Variants in FOXL2 observed in about 807,000 individuals in gnomAD.
FOXL2 encodes the protein forkhead box protein L2.
Under a neutral mutation model 2.5 loss-of-function variants are expected in FOXL2, and 3 were observed. The ratio of observed to expected loss-of-function variants is 1.20; its 90% CI spans 0.55 to 3.11. The LOEUF (loss-of-function observed/expected upper bound fraction) is 3.11, where lower values mean the gene tolerates loss of function less well. Among genes scored for constraint, FOXL2 ranks in the 30% most tolerant of loss-of-function variants. The pLI, the probability that FOXL2 is intolerant of heterozygous loss-of-function variation, is 0.03. For synonymous variants in FOXL2, 315 were observed against 269.4 expected, an observed-to-expected ratio of 1.17 and a Z score of -1.66; for missense variants, 512 against 570.0, an observed-to-expected ratio of 0.90 and a Z score of 1.04.
chr3:138,945,747 T>G lies in FOXL2; in HGVS notation c.976A>C (p.Ser326Arg). Residue 326 changes from serine to arginine, a missense_variant, in exon 1 of 1, where the codon AGC becomes CGC. By Grantham distance (110) the Ser-to-Arg change is moderately radical (BLOSUM62 -1). This residue lies in a region of FOXL2 where 287 missense variants were observed against 277.4 expected (regional missense o/e 1.03). Transcript: ENST00000648323. The stretch of plus-strand genomic sequence containing the variant: ...GCCGGGGGCGCGGCGGTGGCTGGGC[T>G]GGCAGGGCTGAGCTGGCCCGGCGGC... The part of the protein sequence containing the change: ...APPPGQLSPA[S>R]PATAAPPAPA... The G allele has an allele frequency of 3.7e-6, 5 of 1,333,436 alleles. No homozygotes were observed. Among genetic ancestry groups the G allele is most frequent in the Non-Finnish European group, 4.9e-6 (5 of 1,024,404 alleles). 82.6% of individuals were successfully genotyped at this position (1,333,436 alleles called of 1,614,324 possible).
chr3:138,946,037 G>A lies in FOXL2; in HGVS notation c.686C>T (p.Ala229Val). The change falls in exon 1 of 1, where the codon GCT becomes GTT. Residue 229 changes from alanine to valine, a missense_variant. Coordinates refer to ENST00000648323, the MANE Select transcript of FOXL2 (RefSeq NM_023067.4). Reference sequence around the variant, plus strand: ...ACCGGGGCCCGCGGCTGCAGCCGCAGCTGCTGCAGCCGCTGCGGCTGCCGC... The same window carrying A: ...ACCGGGGCCCGCGGCTGCAGCCGCAACTGCTGCAGCCGCTGCGGCTGCCGC... The part of the protein sequence containing the change: ...QMAAAAAAAA[A>V]AAAAAGPGSP... The A allele has an allele frequency of 1.4e-6, 2 of 1,394,350 alleles. No individual in the cohort carries two copies. Among genetic ancestry groups the A allele is most frequent in the South Asian group, 1.6e-5 (1 of 63,326 alleles). The allele number at this position is 1,394,350 out of a possible 1,614,324, so 86.4% of individuals were successfully genotyped here. A position where few individuals can be genotyped will look rare whatever the true frequency, so the allele number is the denominator to read the frequency against.
At position 138,945,644 on chromosome 3, in the gene FOXL2, T is replaced by C; in HGVS notation, c.1079A>G (p.Tyr360Cys). The change falls in exon 1 of 1, where the codon TAC (tyrosine) becomes TGC (cysteine). Residue 360 changes from tyrosine (Y) to cysteine (C), a missense_variant. Transcript: ENST00000648323. ...QPELAMMHCS[Y>C]WDHDSKTGAL... ...GCCGGTCTTGCTGTCGTGGTCCCAG[T>C]AAGAGCAATGCATCATGGCGAGCTC... 1 of 1,609,646 alleles carries C rather than the reference T, an allele frequency of 6.2e-7. No individual in the cohort carries two copies. The highest frequency in any genetic ancestry group is 8.5e-7 in the Non-Finnish European group (1 of 1,177,964).
chr3:138,944,388 C>T lies in FOXL2; in HGVS notation c.*1204G>A, dbSNP rs185469812. On this transcript the variant is annotated 3_prime_UTR_variant, in exon 1 of 1. Coordinates refer to ENST00000648323, the MANE Select transcript of FOXL2 (RefSeq NM_023067.4). The stretch of plus-strand genomic sequence containing the variant: ...TATGGTTTTCGGGCCGGGCCGGCTC[C>T]GGGCCACAAGACCGCCTAGGTCGGC... 24 of 233,084 alleles carry T rather than the reference C, an allele frequency of 1.0e-4. No individual in the cohort carries two copies. Among genetic ancestry groups the T allele is most frequent in the African/African-American group, 5.3e-4 (24 of 45,432 alleles). The allele number at this position is 233,084 out of a possible 1,614,324, so 14.4% of individuals were successfully genotyped here.
rs1935975958 is a variant in FOXL2 at position 138,946,498 on chromosome 3, G to A, written c.225C>T (p.Leu75=). ...TGTACTGGTAGATGCCGGACAGCGT[G>A]AGCCTCTTCTCCGCGCTCTCGCGGA... The part of the protein sequence containing the change: ...MAIRESAEKR[L]TLSGIYQYII... Residue 75 remains leucine (L), a synonymous_variant, in exon 1 of 1, where the codon CTC becomes CTT. Coordinates refer to ENST00000648323, the MANE Select transcript of FOXL2 (RefSeq NM_023067.4). The A allele has an allele frequency of 6.2e-7, 1 of 1,614,034 alleles. No individual in the cohort carries two copies. Among genetic ancestry groups the A allele is most frequent in the Non-Finnish European group, 8.5e-7 (1 of 1,180,006 alleles).
In FOXL2 at chr3:138,945,729, G is replaced by C. The variant is rs777781753; in HGVS notation, c.994C>G (p.Pro332Ala). The change falls in exon 1 of 1, where the codon CCC (proline) becomes GCC (alanine). Residue 332 changes from proline (P) to alanine (A), a missense_variant. Physicochemically the swap from Pro to Ala is conservative, Grantham distance 27. This residue lies in a region of FOXL2 where 4 missense variants were observed against 17.6 expected (regional missense o/e 0.23). Coordinates refer to ENST00000648323, the MANE Select transcript of FOXL2 (RefSeq NM_023067.4). The part of the protein sequence containing the change: ...LSPASPATAA[P>A]PAPAPTSAPG... ...GCACTGGTGGGCGCGGGCGCCGGGGGCGCGGCGGTGGCTGGGCTGGCAGGG... is the reference window on the plus strand; with the variant it reads ...GCACTGGTGGGCGCGGGCGCCGGGGCCGCGGCGGTGGCTGGGCTGGCAGGG... 187 of 1,430,416 alleles carry C rather than the reference G, an allele frequency of 1.3e-4. No homozygotes were observed. The highest frequency in any genetic ancestry group is 2.1e-4 in the Middle Eastern group (1 of 4,734). 88.6% of individuals were successfully genotyped at this position (1,430,416 alleles called of 1,614,324 possible).
chr3:138,944,747 A>G lies in FOXL2; in HGVS notation c.*845T>C, dbSNP rs1027873278. On this transcript the variant is annotated 3_prime_UTR_variant, in exon 1 of 1. Coordinates refer to ENST00000648323, the MANE Select transcript of FOXL2 (RefSeq NM_023067.4). ...AGGAATACTAAAGCTTTTGATTTTC[A>G]TATTTGGATTTAGCAAACTCCAAGG... 1 of 233,076 alleles carries G rather than the reference A, an allele frequency of 4.3e-6. No homozygotes were observed. The highest frequency in any genetic ancestry group is 1.8e-4 in the South Asian group (1 of 5,534). The allele number at this position is 233,076 out of a possible 1,614,324, so 14.4% of individuals were successfully genotyped here. A position where few individuals can be genotyped will look rare whatever the true frequency, so the allele number is the denominator to read the frequency against.
At position 138,946,792 on chromosome 3, in the gene FOXL2, G is replaced by A. The variant is rs1935989563; in HGVS notation, c.-70C>T. ...CCAGGCGCTGGCGCGGCAAAGAGTT[G>A]GGGCGCACGAGTCCGCTTACGGCCA... On this transcript the variant is annotated 5_prime_UTR_variant, in exon 1 of 1. Transcript: ENST00000648323. 1 of 1,527,486 alleles carries A rather than the reference G, an allele frequency of 6.5e-7. No homozygotes were observed. The highest frequency in any genetic ancestry group is 8.8e-7 in the Non-Finnish European group (1 of 1,138,792). The allele number at this position is 1,527,486 out of a possible 1,614,324, so 94.6% of individuals were successfully genotyped here. A position where few individuals can be genotyped will look rare whatever the true frequency, so the allele number is the denominator to read the frequency against.
At position 138,945,822 on chromosome 3, in the gene FOXL2, C is replaced by T; in HGVS notation, c.901G>A (p.Ala301Thr). 8.3e-7 allele frequency: 1 copy of T among 1,203,320 alleles called. No homozygotes were observed. The highest frequency in any genetic ancestry group is 1.0e-6 in the Non-Finnish European group (1 of 969,130). 74.5% of individuals were successfully genotyped at this position (1,203,320 alleles called of 1,614,324 possible). Residue 301 changes from alanine (A) to threonine (T), a missense_variant, in exon 1 of 1, where the codon GCG becomes ACG. By Grantham distance (58) the Ala-to-Thr change is moderately conservative. Transcript: ENST00000648323. ...HPHPHAHHLH[A>T]AAAPPPAPPH... ...GGGGCAGGCGGCGGTGCGGCGGCCGCGTGCAGATGGTGTGCGTGCGGATGC... is the reference window on the plus strand; with the variant it reads ...GGGGCAGGCGGCGGTGCGGCGGCCGTGTGCAGATGGTGTGCGTGCGGATGC...
Position 138,945,880 on chromosome 3 carries a change from C to G in FOXL2, c.843G>C (p.Pro281=), listed in dbSNP as rs2107743435. ...VNSYNGLGGP[P]AAPPPPPHPH... ...GGTGCGGCGGAGGCGGGGGTGCGGC[C>G]GGCGGGCCTCCCAGGCCATTGTACG... is the stretch of plus-strand genomic sequence containing the variant. The change falls in exon 1 of 1, where the codon CCG becomes CCC. Residue 281 remains proline, a synonymous_variant. Coordinates refer to ENST00000648323, the MANE Select transcript of FOXL2 (RefSeq NM_023067.4). The G allele has an allele frequency of 8.0e-7, 1 of 1,250,654 alleles. No homozygotes were observed. The highest frequency in any genetic ancestry group is 1.0e-6 in the Non-Finnish European group (1 of 1,001,552). The allele number at this position is 1,250,654 out of a possible 1,614,324, so 77.5% of individuals were successfully genotyped here.
Position 138,946,197 on chromosome 3 carries a change from A to T in FOXL2, c.526T>A (p.Cys176Ser). 1 of 1,495,742 alleles carries T rather than the reference A, an allele frequency of 6.7e-7. No homozygotes were observed. The highest frequency in any genetic ancestry group is 8.9e-7 in the Non-Finnish European group (1 of 1,129,080). The allele number at this position is 1,495,742 out of a possible 1,614,324, so 92.7% of individuals were successfully genotyped here. A position where few individuals can be genotyped will look rare whatever the true frequency, so the allele number is the denominator to read the frequency against. Residue 176 changes from cysteine (C) to serine (S), a missense_variant, in exon 1 of 1, where the codon TGC (cysteine) becomes AGC (serine). By Grantham distance (112) the Cys-to-Ser change is moderately radical (BLOSUM62 -1). Around this residue, in one of 5 missense-constraint regions of FOXL2, gnomAD observed 287 missense variants for 277.4 expected, o/e 1.03. Coordinates refer to ENST00000648323, the MANE Select transcript of FOXL2 (RefSeq NM_023067.4). Reference sequence around the variant, plus strand: ...TCGGCCCCGGCGCCCGCCACGCCGCACCCGCCTGCGGCGCCTCCGGCCCCG... The same window carrying T: ...TCGGCCCCGGCGCCCGCCACGCCGCTCCCGCCTGCGGCGCCTCCGGCCCCG... ...LFGAGGAAGGCGVAGAGADGY... is the reference protein window; with the variant it reads ...LFGAGGAAGGSGVAGAGADGY...
Position 138,944,850 on chromosome 3 carries a change from G to A in FOXL2, c.*742C>T, listed in dbSNP as rs1176202046. 1.3e-5 allele frequency: 3 copies of A among 230,048 alleles called. No individual in the cohort carries two copies. Among genetic ancestry groups the A allele is most frequent in the African/African-American group, 6.8e-5 (3 of 44,392 alleles). 14.3% of individuals were successfully genotyped at this position (230,048 alleles called of 1,614,324 possible). ...AAATACTCTCTTAAAAAGTTCCACCGATCTTTCAAACAAAACATTAGCCAG... is the reference window on the plus strand; with the variant it reads ...AAATACTCTCTTAAAAAGTTCCACCAATCTTTCAAACAAAACATTAGCCAG... On this transcript the variant is annotated 3_prime_UTR_variant, in exon 1 of 1. Coordinates refer to ENST00000648323, the MANE Select transcript of FOXL2 (RefSeq NM_023067.4).
In FOXL2 at chr3:138,945,355, G is replaced by GT; in HGVS notation, c.*236dup. 3.9e-6 allele frequency: 2 copies of GT among 518,844 alleles called. No homozygotes were observed. The highest frequency in any genetic ancestry group is 7.0e-5 in the Admixed American group (2 of 28,628). The allele number at this position is 518,844 out of a possible 1,614,324, so 32.1% of individuals were successfully genotyped here. On this transcript the variant is annotated 3_prime_UTR_variant, in exon 1 of 1. Transcript: ENST00000648323. ...AGAGAGGCAGCTTCAGGCCAGGGGA[G>GT]TGCAAGGTCACAGAGGTCAGGGAGG...
chr3:138,944,592 A>G lies in FOXL2; in HGVS notation c.*1000T>C, dbSNP rs1335098910. ...TTGTTTTTGATTTTTTTCTTCAGAT[A>G]GGGAGAGGGTGAAACTTCCCCAATT... On this transcript the variant is annotated 3_prime_UTR_variant, in exon 1 of 1. Transcript: ENST00000648323. The G allele has an allele frequency of 4.3e-6, 1 of 233,026 alleles. No homozygotes were observed. The highest frequency in any genetic ancestry group is 8.5e-6 in the Non-Finnish European group (1 of 117,928). 14.4% of individuals were successfully genotyped at this position (233,026 alleles called of 1,614,324 possible).
At position 138,946,584 on chromosome 3, in the gene FOXL2, C is replaced by T. The variant is rs774187704; in HGVS notation, c.139G>A (p.Glu47Lys). 5 of 1,607,096 alleles carry T rather than the reference C, an allele frequency of 3.1e-6. No homozygotes were observed. The highest frequency in any genetic ancestry group is 4.2e-6 in the Non-Finnish European group (5 of 1,178,864). ...GGCTTCTGCGCCGGGTCCGGCTTCT[C>T]CGGGGCTGTCCCGCCGCCACCCCCA... ...GGGGGGGTAP[E>K]KPDPAQKPPY... Residue 47 changes from glutamate to lysine, a missense_variant, in exon 1 of 1, where the codon GAG becomes AAG. By Grantham distance (56) the Glu-to-Lys change is moderately conservative. Coordinates refer to ENST00000648323, the MANE Select transcript of FOXL2 (RefSeq NM_023067.4).
Position 138,945,281 on chromosome 3 carries a change from C to A in FOXL2, c.*311G>T. On this transcript the variant is annotated 3_prime_UTR_variant, in exon 1 of 1. Coordinates refer to ENST00000648323, the MANE Select transcript of FOXL2 (RefSeq NM_023067.4). ...GGGCCCTTTCCGCGGTGAATTTGGG[C>A]AGGAGACGCTGGGGCTCCGGAAAGA... The A allele has an allele frequency of 3.7e-6, 1 of 272,266 alleles. No homozygotes were observed. The highest frequency in any genetic ancestry group is 6.9e-6 in the Non-Finnish European group (1 of 144,646). The allele number at this position is 272,266 out of a possible 1,614,324, so 16.9% of individuals were successfully genotyped here.
Position 138,944,288 on chromosome 3 carries a change from A to G in FOXL2, c.*1304T>C, listed in dbSNP as rs2107742091. 1 of 233,330 alleles carries G rather than the reference A, an allele frequency of 4.3e-6. No homozygotes were observed. The highest frequency in any genetic ancestry group is 6.0e-5 in the East Asian group (1 of 16,536). The allele number at this position is 233,330 out of a possible 1,614,324, so 14.5% of individuals were successfully genotyped here. A position where few individuals can be genotyped will look rare whatever the true frequency, so the allele number is the denominator to read the frequency against. On this transcript the variant is annotated 3_prime_UTR_variant, in exon 1 of 1. Transcript: ENST00000648323. ...GGCAAAAAACAAAAACAAAACAAAA[A>G]AACACAACAAAAGTGCTCTAGTTCT...
chr3:138,944,824 TA>T lies in FOXL2; in HGVS notation c.*767del. On this transcript the variant is annotated 3_prime_UTR_variant, in exon 1 of 1. Coordinates refer to ENST00000648323, the MANE Select transcript of FOXL2 (RefSeq NM_023067.4). ...GAATTTTTTTTCCTTTTTTTTTTTTTAAATACTCTCTTAAAAAGTTCCACCG... is the reference window on the plus strand; with the variant it reads ...GAATTTTTTTTCCTTTTTTTTTTTTTAATACTCTCTTAAAAAGTTCCACCG... The T allele has an allele frequency of 4.3e-6, 1 of 231,250 alleles. No individual in the cohort carries two copies. The highest frequency in any genetic ancestry group is 8.6e-6 in the Non-Finnish European group (1 of 116,880). The allele number at this position is 231,250 out of a possible 1,614,324, so 14.3% of individuals were successfully genotyped here.
chr3:138,946,336 C>T lies in FOXL2; in HGVS notation c.387G>A (p.Thr129=), dbSNP rs768151902. ...ACATGTCTTCGCAGGCCGGGTCCAG[C>T]GTCCAGTAGTTGCCCTTGCGCTCGC... The part of the protein sequence containing the change: ...GGGERKGNYW[T]LDPACEDMFE... The change falls in exon 1 of 1, where the codon ACG becomes ACA. Residue 129 remains threonine, a synonymous_variant. Transcript: ENST00000648323. 22 of 1,613,838 alleles carry T rather than the reference C, an allele frequency of 1.4e-5. No homozygotes were observed. The highest frequency in any genetic ancestry group is 1.7e-5 in the Admixed American group (1 of 60,006).
chr3:138,945,793 C>T lies in FOXL2; in HGVS notation c.930G>A (p.Pro310=). The T allele has an allele frequency of 5.1e-6, 6 of 1,173,186 alleles. No homozygotes were observed. The highest frequency in any genetic ancestry group is 4.2e-5 in the South Asian group (1 of 23,770). The allele number at this position is 1,173,186 out of a possible 1,614,324, so 72.7% of individuals were successfully genotyped here. A position where few individuals can be genotyped will look rare whatever the true frequency, so the allele number is the denominator to read the frequency against. ...GCGGCGGCGCGGCGGCCCCGTGGTG[C>T]GGTGGGGCAGGCGGCGGTGCGGCGG... is the stretch of plus-strand genomic sequence containing the variant. ...HAAAAPPPAP[P]HHGAAAPPPG... Residue 310 remains proline, a synonymous_variant, in exon 1 of 1, where the codon CCG becomes CCA. Transcript: ENST00000648323.
Sources: allele counts gnomAD v4.1 joint callset, GRCh38; gene constraint gnomAD v4.1.1; regional missense constraint gnomAD v4.1.1; transcripts MANE v1.5; gene names NCBI Gene and HGNC (gene_info 2026-07-23, HGNC 2026-07-21).